CAST: variants seen among roughly 807,000 people sequenced by gnomAD.
The protein encoded by CAST is MIR583 host.
A neutral mutation model predicts 119.6 loss-of-function variants in CAST; 76 were observed. The observed-to-expected ratio is 0.64, with a 90% CI of 0.53 to 0.77. The LOEUF (loss-of-function observed/expected upper bound fraction) is 0.77, where lower values mean the gene tolerates loss of function less well. Among genes scored for constraint, CAST ranks in the 30% least tolerant of loss-of-function variants. The probability of loss-of-function intolerance (pLI) is 0.00; values close to 1 mark genes in which losing one functional copy is unlikely to be tolerated. For synonymous variants in CAST, 319 were observed against 331.6 expected (o/e 0.96, Z 0.41); for missense variants, 953 against 946.5 (o/e 1.01, Z -0.09).
chr5:96,381,675 C>T, the CAST span, among the ~76,000 whole-genome samples: 1 of 152,186 alleles, frequency 6.6e-6, no homozygotes, highest in Non-Finnish European at 1.5e-5. Flanking sequence ...TACTGAGGTG[C>T]GCTGGTGAGT....
the CAST span, among the ~76,000 whole-genome samples, chr5:95,964,742 C>G: frequency 6.6e-6 from 1 of 152,270 alleles, no homozygotes; most frequent in East Asian, 1.9e-4. Context: ...AAGCAACCTG[C>G]CTAACATAAC....
intron 1 of CAST, among the ~76,000 whole-genome samples, chr5:96,647,699 G>C (rs564073113): frequency 2.3e-4 from 35 of 152,236 alleles, no homozygotes; most frequent in African/African-American, 8.2e-4. Flanking sequence ...CACACACCGG[G>C]AGAACACCGT....
chr5:96,113,701 T>C, the CAST span, among the ~76,000 whole-genome samples: 1 of 152,222 alleles, frequency 6.6e-6, no homozygotes, highest in Admixed American at 6.5e-5. Flanking sequence ...GCTCTTTCCT[T>C]GCAGGAGTGC....
chr5:96,269,596 A>C, the CAST span, among the ~76,000 whole-genome samples: 1 of 152,228 alleles, frequency 6.6e-6, no homozygotes, highest in African/African-American at 2.4e-5. Flanking sequence ...AAGCCACAGA[A>C]ACACAGACAA....
At chr5:96,568,500 G>A (rs1040905882) in intron 1 of CAST, among the ~76,000 whole-genome samples, 1 of 142,330 alleles carries the variant, frequency 7.0e-6, no homozygotes, top group African/African-American at 2.6e-5. Flanking sequence ...GGGAGGCAGA[G>A]TTTGCAGTGA....
At chr5:96,050,728 G>A in the CAST span, among the ~76,000 whole-genome samples, 1 of 152,162 alleles carries the variant, frequency 6.6e-6, no homozygotes, top group South Asian at 2.1e-4. Context: ...GTGGCCAGTG[G>A]CTGGGTTTCC....
At chr5:96,375,434 G>A in the CAST span, among the ~76,000 whole-genome samples, 3 of 129,584 alleles carry the variant, frequency 2.3e-5, no homozygotes, top group East Asian at 6.5e-4. Flanking sequence ...GTGTGTGTGT[G>A]TGTTTTTTTT....
At chr5:96,574,947 TTTAA>T (rs975571740) in intron 1 of CAST, among the ~76,000 whole-genome samples, 40 of 152,274 alleles carry the variant, frequency 2.6e-4, no homozygotes, top group African/African-American at 7.0e-4. Context: ...GGTTTGTATA[TTTAA>T]TTAATTAATT....
intron 3 of CAST, among the ~76,000 whole-genome samples, chr5:96,714,454 G>C (rs1297377076): frequency 1.3e-5 from 2 of 152,234 alleles, no homozygotes; most frequent in Non-Finnish European, 2.9e-5. Context: ...AAGATTAAGA[G>C]CTCCAAGTCA....
At chr5:96,440,960 A>C in the CAST span, among the ~76,000 whole-genome samples, 5 of 152,322 alleles carry the variant, frequency 3.3e-5, no homozygotes, top group South Asian at 1.0e-3. Flanking sequence ...CTCAAAACAG[A>C]CCACCTGGAT....
Position 96,754,234 on chromosome 5 carries a change from ATTTGT to A in CAST, c.1626+82_1626+86del, listed in dbSNP as rs1451058135. ...TTCTCCCCCTGCAAATAAGTTAGTC[ATTTGT>A]TTTGTTTTTTATATTTCCTGTAAAA... On this transcript the variant is annotated intron_variant, in intron 21 of 31. Coordinates refer to ENST00000675179, the MANE Select transcript of CAST (RefSeq NM_001750.7). The A allele has an allele frequency of 3.2e-6, 3 of 943,318 alleles. No individual in the cohort carries two copies. The Admixed American group carries it at 5.7e-5, about 18-fold the overall frequency. The allele number at this position is 943,318 out of a possible 1,614,324, so 58.4% of individuals were successfully genotyped here.
intron 1 of CAST, among the ~76,000 whole-genome samples, chr5:96,567,325 G>A (rs756987276): frequency 1.2e-4 from 19 of 152,090 alleles, no homozygotes; most frequent in African/African-American, 4.1e-4. Context: ...TTTATAACGC[G>A]CCCAACAGCT....
At chr5:96,279,964 T>A in the CAST span, among the ~76,000 whole-genome samples, 1 of 152,200 alleles carries the variant, frequency 6.6e-6, no homozygotes, top group Non-Finnish European at 1.5e-5. Flanking sequence ...AGCACATCCT[T>A]TAGCGCCAGA....
At chr5:96,000,293 T>C in the CAST span, among the ~76,000 whole-genome samples, 1 of 152,144 alleles carries the variant, frequency 6.6e-6, no homozygotes, top group Non-Finnish European at 1.5e-5. Flanking sequence ...TTATGGAACA[T>C]GTTTTTAGTT....
chr5:96,519,695 C>A, the CAST span, among the ~76,000 whole-genome samples: 2 of 152,142 alleles, frequency 1.3e-5, no homozygotes, highest in Non-Finnish European at 1.5e-5. Context: ...CAGCTTACAT[C>A]TCCCGGGTTC....
chr5:96,771,545 CACTG>C, intron 30 of CAST, 95 bp from the exon 31 acceptor site: 1 of 779,070 alleles, frequency 1.3e-6, no homozygotes, highest in South Asian at 1.9e-5. Context: ...TATTTTTCCC[CACTG>C]ACTGCCATCT....
At chr5:95,963,491 C>T in the CAST span, among the ~76,000 whole-genome samples, 1 of 152,162 alleles carries the variant, frequency 6.6e-6, no homozygotes, top group Non-Finnish European at 1.5e-5. Context: ...ACGTGATTAA[C>T]GCTTGCTAAT....
intron 1 of CAST, among the ~76,000 whole-genome samples, chr5:96,595,849 G>C (rs930676061): frequency 6.6e-6 from 1 of 152,168 alleles, no homozygotes; most frequent in African/African-American, 2.4e-5. Context: ...AAATAATGGA[G>C]TTCTTATTTA....
chr5:96,556,438 T>A (rs2570463), intron 1 of CAST, among the ~76,000 whole-genome samples: 51,359 of 151,908 alleles, frequency 0.34, 9,313 homozygotes, highest in Middle Eastern at 0.46. Flanking sequence ...TGCGAACCCA[T>A]GGCAAAGAAG....
Sources: allele counts gnomAD v4.1 joint callset (sites outside exome capture counted in the v4.1 genomes callset), GRCh38; gene constraint gnomAD v4.1.1; transcripts MANE v1.5; gene names NCBI Gene and HGNC (gene_info 2026-07-23, HGNC 2026-07-21).